The following GOLGA5 variants were observed in gnomAD, a reference collection of about 807,000 sequenced individuals.
GOLGA5 encodes the protein golgin A5, also known as golgin subfamily A member 5.
Under a neutral mutation model 93.5 loss-of-function variants are expected in GOLGA5, and 50 were observed. The ratio of observed to expected loss-of-function variants is 0.53; its 90% CI spans 0.43 to 0.68. GOLGA5 has a LOEUF of 0.68. Among genes scored for constraint, GOLGA5 ranks in the 30% least tolerant of loss-of-function variants. The pLI is 0.00. For missense variants in GOLGA5, 760 were observed against 856.4 expected (o/e 0.89, Z 1.40); for synonymous variants, 312 against 304.5 (o/e 1.02, Z -0.26).
Position 92,811,544 on chromosome 14 carries a change from G to A in GOLGA5, c.1117-7G>A, listed in dbSNP as rs531515677. On this transcript the variant is annotated splice_region_variant and splice_polypyrimidine_tract_variant and intron_variant, in intron 5 of 12. Transcript: ENST00000163416. ...ATCATTAATTATGATATAAAAATTTGTCACAGAGCGAGTTTGCTGCACGCC... is the reference window on the plus strand; with the variant it reads ...ATCATTAATTATGATATAAAAATTTATCACAGAGCGAGTTTGCTGCACGCC... The A allele has an allele frequency of 5.7e-6, 9 of 1,582,792 alleles. No homozygotes were observed. Among genetic ancestry groups the A allele is most frequent in the African/African-American group, 4.0e-5 (3 of 74,360 alleles).
At chr14:92,816,536 C>T (rs557126468) in intron 7 of GOLGA5, 115 bp downstream of exon 7, 58 of 725,898 alleles carry the variant, frequency 8.0e-5, no homozygotes, top group East Asian at 7.0e-4. Flanking sequence ...CTCTTCGCTT[C>T]GCTTCGCTTC....
intron 7 of GOLGA5, among the ~76,000 whole-genome samples, chr14:92,817,482 CCTTATT>C (rs928484221): frequency 1.5e-4 from 23 of 151,990 alleles, no homozygotes; most frequent in African/African-American, 5.3e-4. Flanking sequence ...ACAGTTTTAT[CCTTATT>C]CTTATAATTT....
At chr14:92,837,498 G>GTTT (rs557995443) in intron 12 of GOLGA5, 49 bp downstream of exon 12, 4 of 643,510 alleles carry the variant, frequency 6.2e-6, no homozygotes, top group Non-Finnish European at 1.1e-5. Context: ...TTTTTAACTA[G>GTTT]TTTTTTTTTT....
chr14:92,817,320 G>T (rs1212230177), intron 7 of GOLGA5, among the ~76,000 whole-genome samples: 1 of 152,146 alleles, frequency 6.6e-6, no homozygotes, highest in African/African-American at 2.4e-5. Context: ...GTTACCAAGT[G>T]CCTGCCATGT....
intron 7 of GOLGA5, 88 bp downstream of exon 7, chr14:92,816,509 C>T (rs1279067690): frequency 7.5e-6 from 8 of 1,072,372 alleles, no homozygotes; most frequent in African/African-American, 3.3e-5. Flanking sequence ...ATTACTAAAG[C>T]GATAGGTTTC....
intron 2 of GOLGA5, among the ~76,000 whole-genome samples, chr14:92,798,863 C>A (rs958374744): frequency 2.0e-5 from 3 of 152,164 alleles, no homozygotes; most frequent in Non-Finnish European, 4.4e-5. Context: ...TTGCAGTGAG[C>A]CGAGATTGTA....
chr14:92,795,300 C>T (rs1221926627), intron 1 of GOLGA5, among the ~76,000 whole-genome samples: 1 of 152,148 alleles, frequency 6.6e-6, no homozygotes, highest in East Asian at 1.9e-4. Context: ...TTTTTATAAA[C>T]TCCGAAATAC....
intron 3 of GOLGA5, among the ~76,000 whole-genome samples, chr14:92,808,107 G>C (rs1338365611): frequency 6.6e-6 from 1 of 152,234 alleles, no homozygotes; most frequent in East Asian, 1.9e-4. Context: ...GGTGGCGCGT[G>C]CCTGTTATTC....
Position 92,809,522 on chromosome 14 carries a change from A to AC in GOLGA5, c.992+3_992+4insC. 6.4e-7 allele frequency: 1 copy of AC among 1,559,488 alleles called. No individual in the cohort carries two copies. The highest frequency in any genetic ancestry group is 8.8e-7 in the Non-Finnish European group (1 of 1,131,014). On this transcript the variant is annotated splice_donor_region_variant and intron_variant, in intron 4 of 12. Transcript: ENST00000163416. ...GCCTTACAGAGTGAAAAATCACGGT[A>AC]GGTGATTCTATGAATAATGAAAAAA...
At chr14:92,812,733 A>G (rs971443437) in intron 6 of GOLGA5, among the ~76,000 whole-genome samples, 2 of 152,010 alleles carry the variant, frequency 1.3e-5, no homozygotes, top group Admixed American at 6.6e-5. Flanking sequence ...CTTCTATGCT[A>G]TTCACATCTC....
chr14:92,795,777 A>G (rs541431520), intron 1 of GOLGA5, among the ~76,000 whole-genome samples: 312 of 152,398 alleles, frequency 2.0e-3, no homozygotes, highest in African/African-American at 7.4e-3. Flanking sequence ...AAGCAAAAGA[A>G]TAGGGTATGT....
At chr14:92,826,135 CAG>C (rs1885416684) in intron 9 of GOLGA5, among the ~76,000 whole-genome samples, 1 of 152,116 alleles carries the variant, frequency 6.6e-6, no homozygotes, top group South Asian at 2.1e-4. Context: ...AGTTGGGCAA[CAG>C]AGAGAGACTT....
chr14:92,829,088 C>A (rs10142833), intron 9 of GOLGA5, among the ~76,000 whole-genome samples: 2 of 151,700 alleles, frequency 1.3e-5, no homozygotes, highest in South Asian at 2.1e-4. Context: ...CTTCAGCTTC[C>A]CAAGTGGCTG....
chr14:92,830,549 C>T (rs1194158618), intron 9 of GOLGA5, among the ~76,000 whole-genome samples: 1 of 152,098 alleles, frequency 6.6e-6, no homozygotes, highest in Non-Finnish European at 1.5e-5. Flanking sequence ...TTTTAGACAT[C>T]ATGCTACTGC....
At chr14:92,812,993 T>C (rs1332878423) in intron 6 of GOLGA5, among the ~76,000 whole-genome samples, 1 of 152,212 alleles carries the variant, frequency 6.6e-6, no homozygotes, top group East Asian at 1.9e-4. Flanking sequence ...AGTGTTCAGC[T>C]CCCAGACCAA....
chr14:92,814,948 TA>T (rs1024585012), intron 6 of GOLGA5, among the ~76,000 whole-genome samples: 20 of 150,802 alleles, frequency 1.3e-4, no homozygotes, highest in African/African-American at 2.7e-4. Context: ...TTTTAAAATG[TA>T]AAAAAAAAAT....
intron 9 of GOLGA5, among the ~76,000 whole-genome samples, chr14:92,832,340 A>C (rs1885547291): frequency 6.6e-6 from 1 of 152,224 alleles, no homozygotes; most frequent in African/African-American, 2.4e-5. Flanking sequence ...TTTATAAGAA[A>C]GAAAGGCAGG....
chr14:92,821,551 T>C (rs1885317265), intron 8 of GOLGA5, among the ~76,000 whole-genome samples: 1 of 152,198 alleles, frequency 6.6e-6, no homozygotes, highest in Non-Finnish European at 1.5e-5. Context: ...CACAAGTAAA[T>C]CACTACTATT....
Position 92,809,345 on chromosome 14 carries a change from A to G in GOLGA5, c.818A>G (p.His273Arg). 1 of 1,613,762 alleles carries G rather than the reference A, an allele frequency of 6.2e-7. No individual in the cohort carries two copies. Among genetic ancestry groups the G allele is most frequent in the Non-Finnish European group, 8.5e-7 (1 of 1,179,636 alleles). Residue 273 changes from histidine (H) to arginine (R), a missense_variant, in exon 4 of 13, where the codon CAT becomes CGT. Transcript: ENST00000163416. ...RARVEKWNAD[H>R]SKSDRMTRGL... is the part of the protein sequence containing the mutation. ...AGAGTTGAAAAGTGGAATGCTGACC[A>G]TTCAAAGAGTGATCGAATGACTCGA...
Sources: gnomAD v4.1 joint callset for allele counts (sites outside exome capture counted in the v4.1 genomes callset) on GRCh38, gnomAD v4.1.1 for gene constraint, MANE v1.5 for transcripts, NCBI Gene and HGNC (gene_info 2026-07-23, HGNC 2026-07-21) for gene names.